The following NREP variants were observed in gnomAD, a reference collection of about 807,000 sequenced individuals.
NREP encodes neuronal regeneration-related protein.
Under a neutral mutation model 8.6 loss-of-function variants are expected in NREP, and 5 were observed. That is an observed-to-expected ratio of 0.58 (90% CI 0.30 to 1.22). NREP has a LOEUF of 1.22. NREP is among the 50% of genes most tolerant of loss of function. NREP has a pLI of 0.07. For synonymous variants in NREP, 27 were observed against 28.0 expected (o/e 0.96, Z 0.11); for missense variants, 86 against 82.5 (o/e 1.04, Z -0.17).
chr5:111,816,369 C>T (rs569470613), intron 2 of NREP, among the ~76,000 whole-genome samples: 31 of 151,990 alleles, frequency 2.0e-4, no homozygotes, highest in South Asian at 1.5e-3. Context: ...TAAATGAATA[C>T]GGATGTTTAA....
intron 2 of NREP, among the ~76,000 whole-genome samples, chr5:111,798,406 G>C (rs145262584): frequency 6.6e-6 from 1 of 151,942 alleles, no homozygotes; most frequent in Non-Finnish European, 1.5e-5. Flanking sequence ...TGGGGAACAG[G>C]TGGTATTTGG....
At chr5:111,747,128 A>C (rs1161247546) in intron 2 of NREP, among the ~76,000 whole-genome samples, 1 of 152,122 alleles carries the variant, frequency 6.6e-6, no homozygotes, top group East Asian at 1.9e-4. Flanking sequence ...TTCGTGGAGG[A>C]AATAGTTAAT....
intron 2 of NREP, among the ~76,000 whole-genome samples, chr5:111,836,661 G>C (rs1752902428): frequency 1.3e-5 from 2 of 151,996 alleles, no homozygotes; most frequent in Admixed American, 1.3e-4. Context: ...AGAAGGGAGA[G>C]AGAGCATTCT....
Position 111,865,357 on chromosome 5 carries a change from A to G in NREP, c.135+109917T>C, listed in dbSNP as rs76252211. Among the ~76,000 whole-genome samples, 720 of 152,288 alleles carry G rather than the reference A, an allele frequency of 4.7e-3. 4 individuals are homozygous for G. The highest frequency in any genetic ancestry group is 0.016 in the African/African-American group (676 of 41,582). ...GTACTACACAAAAAGCAAACCAAGT[A>G]TGTCCTTGTTGTAATCTCCACTCGT... On this transcript the variant is annotated intron_variant, in intron 2 of 3. Transcript: ENST00000395634.
intron 3 of NREP, chr5:111,733,821 G>T (rs547453344): frequency 1.3e-5 from 2 of 152,126 alleles, no homozygotes; most frequent in African/African-American, 4.8e-5. Flanking sequence ...AATGTGCCTC[G>T]GGGTGGATCA....
rs1054929459 is a variant in NREP, at chr5:111,948,655, C to T, written c.135+26619G>A. 2.0e-5 allele frequency among the ~76,000 whole-genome samples: 3 copies of T among 151,996 alleles called. No homozygotes were observed. The South Asian group carries it at 6.2e-4, about 31-fold the overall frequency. On this transcript the variant is annotated intron_variant, in intron 2 of 3. Coordinates refer to the NREP transcript ENST00000395634. ...CCTTTATGGAAAAAATTTCGAAACACCAGAACAAATCCAACACTTCTCTCT... is the reference window on the plus strand; with the variant it reads ...CCTTTATGGAAAAAATTTCGAAACATCAGAACAAATCCAACACTTCTCTCT...
intron 2 of NREP, among the ~76,000 whole-genome samples, chr5:111,746,540 A>T (rs1271372060): frequency 2.0e-5 from 3 of 152,116 alleles, no homozygotes; most frequent in African/African-American, 7.2e-5. Context: ...AGAATTTTTG[A>T]TCCTATATTA....
At chr5:111,887,000 A>T (rs778880364) in intron 2 of NREP, among the ~76,000 whole-genome samples, 3 of 116,124 alleles carry the variant, frequency 2.6e-5, no homozygotes, top group East Asian at 2.0e-4. Context: ...TAGAAAAAAT[A>T]AAAAAAAAAA....
intron 2 of NREP, among the ~76,000 whole-genome samples, chr5:111,870,929 T>C (rs894220890): frequency 6.6e-6 from 1 of 152,062 alleles, no homozygotes; most frequent in Non-Finnish European, 1.5e-5. Context: ...ACTAGTACAG[T>C]GTAAATTTTT....
intron 2 of NREP, among the ~76,000 whole-genome samples, chr5:111,815,222 A>T (rs1752358066): frequency 6.6e-6 from 1 of 152,158 alleles, no homozygotes; most frequent in African/African-American, 2.4e-5. Flanking sequence ...GTAAATATTC[A>T]GGCTTTCAGT....
At chr5:111,893,791 T>C (rs1435686523) in intron 2 of NREP, among the ~76,000 whole-genome samples, 1 of 151,906 alleles carries the variant, frequency 6.6e-6, no homozygotes, top group Non-Finnish European at 1.5e-5. Flanking sequence ...TGAGCATTCA[T>C]AATTCATTTT....
intron 3 of NREP, chr5:111,733,113 T>C (rs190845323): frequency 3.3e-5 from 5 of 152,334 alleles, no homozygotes; most frequent in African/African-American, 1.2e-4. Flanking sequence ...ATTTTTACCA[T>C]TTTTTCTGTT....
At chr5:111,834,880 A>G (rs768121350) in intron 2 of NREP, among the ~76,000 whole-genome samples, 58 of 152,110 alleles carry the variant, frequency 3.8e-4, no homozygotes, top group Non-Finnish European at 7.6e-4. Flanking sequence ...TTTCCTCCCT[A>G]TGTTTGCTTT....
At chr5:111,942,085 A>T (rs1009776042) in intron 2 of NREP, among the ~76,000 whole-genome samples, 5 of 152,026 alleles carry the variant, frequency 3.3e-5, no homozygotes, top group Admixed American at 3.3e-4. Context: ...ATGAGACATC[A>T]TTTTATTACC....
intron 2 of NREP, among the ~76,000 whole-genome samples, chr5:111,929,229 A>G (rs1291954640): frequency 1.3e-5 from 2 of 152,198 alleles, no homozygotes; most frequent in Non-Finnish European, 2.9e-5. Context: ...TCTTGGCAAA[A>G]TATTTCATTT....
intron 2 of NREP, among the ~76,000 whole-genome samples, chr5:111,795,608 C>A (rs1057427317): frequency 1.3e-5 from 2 of 152,104 alleles, no homozygotes; most frequent in Non-Finnish European, 2.9e-5. Flanking sequence ...ATATTCAAAT[C>A]AAATAATTTA....
intron 2 of NREP, among the ~76,000 whole-genome samples, chr5:111,896,173 T>C (rs546722811): frequency 2.6e-5 from 4 of 152,254 alleles, no homozygotes; most frequent in Non-Finnish European, 4.4e-5. Context: ...TAGGAGGCTA[T>C]TGAAATCTAT....
At chr5:111,958,224 G>C (rs905177098) in intron 2 of NREP, among the ~76,000 whole-genome samples, 1 of 151,476 alleles carries the variant, frequency 6.6e-6, no homozygotes, top group Admixed American at 6.6e-5. Flanking sequence ...AAATTGTTAA[G>C]AATTAAAACA....
chr5:111,791,717 C>T (rs1451578292), intron 2 of NREP, among the ~76,000 whole-genome samples: 1 of 152,234 alleles, frequency 6.6e-6, no homozygotes, highest in Admixed American at 6.5e-5. Flanking sequence ...AAGCAATCTT[C>T]CTGCCTCCGC....
Sources: gnomAD v4.1 joint callset for allele counts (sites outside exome capture counted in the v4.1 genomes callset) on GRCh38, gnomAD v4.1.1 for gene constraint, MANE v1.5 for transcripts, NCBI Gene and HGNC (gene_info 2026-07-23, HGNC 2026-07-21) for gene names.